RIMKLA: variants seen among roughly 807,000 people sequenced by gnomAD.
RIMKLA encodes N-acetylaspartylglutamate synthase A.
Under a neutral mutation model 32.7 loss-of-function variants are expected in RIMKLA, and 14 were observed. The observed-to-expected ratio is 0.43, with a 90% CI of 0.28 to 0.67. RIMKLA has a LOEUF of 0.67. Ranked by LOEUF, RIMKLA falls within the 30% of genes least tolerant of loss-of-function variation. The pLI, the probability that RIMKLA is intolerant of heterozygous loss-of-function variation, is 0.18. For missense variants in RIMKLA, 410 were observed against 519.0 expected (o/e 0.79, Z 2.04); for synonymous variants, 176 against 204.1 (o/e 0.86, Z 1.18).
At chr1:42,396,170 A>G (rs1643044156) in intron 1 of RIMKLA, among the ~76,000 whole-genome samples, 1 of 126,100 alleles carries the variant, frequency 7.9e-6, no homozygotes, top group African/African-American at 3.0e-5. Flanking sequence ...TGAGAGGTGG[A>G]GGTTACAGTG....
At chr1:42,403,870 C>T (rs1056114594) in intron 2 of RIMKLA, among the ~76,000 whole-genome samples, 11 of 152,200 alleles carry the variant, frequency 7.2e-5, no homozygotes, top group East Asian at 1.9e-4. Flanking sequence ...TGATTGTTGA[C>T]GTTCAGTTTC....
chr1:42,385,802 TCTC>T (rs1181455668), intron 1 of RIMKLA, among the ~76,000 whole-genome samples: 3 of 101,582 alleles, frequency 3.0e-5, no homozygotes, highest in South Asian at 2.9e-4. Flanking sequence ...TTTCTTTCTC[TCTC>T]TCTTTCCTTC....
At chr1:42,393,207 C>T (rs537217985) in intron 1 of RIMKLA, among the ~76,000 whole-genome samples, 4 of 91,040 alleles carry the variant, frequency 4.4e-5, no homozygotes, top group Non-Finnish European at 9.5e-5. Context: ...ACTACTTGCA[C>T]TTAAATCCTG....
intron 2 of RIMKLA, among the ~76,000 whole-genome samples, chr1:42,402,917 A>G (rs978305509): frequency 3.9e-5 from 6 of 152,066 alleles, no homozygotes; most frequent in Admixed American, 3.9e-4. Flanking sequence ...TTTTTAGCCC[A>G]GTGAGACCTG....
At chr1:42,384,528 TATAC>T (rs1642918149) in intron 1 of RIMKLA, among the ~76,000 whole-genome samples, 1 of 148,146 alleles carries the variant, frequency 6.8e-6, no homozygotes, top group African/African-American at 2.5e-5. Flanking sequence ...TGTGTGTATA[TATAC>T]ATATATATGT....
At chr1:42,409,931 A>G (rs1161418826) in intron 3 of RIMKLA, 53 bp from the exon 4 acceptor site, 2 of 1,426,278 alleles carry the variant, frequency 1.4e-6, no homozygotes, top group Non-Finnish European at 2.0e-6. Flanking sequence ...GATGGCAAGT[A>G]CAGAGTCCAG....
chr1:42,382,920 G>A (rs985549465), intron 1 of RIMKLA, among the ~76,000 whole-genome samples: 6 of 151,806 alleles, frequency 4.0e-5, no homozygotes, highest in African/African-American at 1.2e-4. Context: ...ATGCAATGGC[G>A]CCATCTTGGC....
chr1:42,384,756 CAA>C (rs1475393557), intron 1 of RIMKLA, among the ~76,000 whole-genome samples: 1 of 151,764 alleles, frequency 6.6e-6, no homozygotes, highest in Non-Finnish European at 1.5e-5. Context: ...GAGTTAGGAC[CAA>C]TACTCAGTAA....
chr1:42,412,515 T>C lies in RIMKLA; in HGVS notation c.686-1969T>C, dbSNP rs556176428. The stretch of plus-strand genomic sequence containing the variant: ...GTACAGTGAAACCAAACTGATGGAA[T>C]GGGAGCAGATTATTCTGCCATTTTT... On this transcript the variant is annotated intron_variant, in intron 4 of 4. Coordinates refer to ENST00000431473, the MANE Select transcript of RIMKLA (RefSeq NM_173642.4). 5.9e-5 allele frequency: 26 copies of C among 437,670 alleles called. No individual in the cohort carries two copies. The East Asian group carries it at 1.7e-3, about 28-fold the overall frequency. 27.1% of individuals were successfully genotyped at this position (437,670 alleles called of 1,614,324 possible).
In RIMKLA at chr1:42,417,481, G is replaced by T. The variant is rs763597979; in HGVS notation, c.*2507G>T. ...AGCCAGAGCCTGGTTCTGGTTCTCCGCTTGAACAGCTGACCTCGTGCAATC... is the reference window on the plus strand; with the variant it reads ...AGCCAGAGCCTGGTTCTGGTTCTCCTCTTGAACAGCTGACCTCGTGCAATC... On this transcript the variant is annotated 3_prime_UTR_variant, in exon 5 of 5. Transcript: ENST00000431473. The T allele has an allele frequency of 6.6e-6, 1 of 152,138 alleles. No homozygotes were observed. The highest frequency in any genetic ancestry group is 6.5e-5 in the Admixed American group (1 of 15,272). 9.4% of individuals were successfully genotyped at this position (152,138 alleles called of 1,614,324 possible).
rs1643263855 is a variant in RIMKLA at position 42,417,941 on chromosome 1, A to G, written c.*2967A>G. ...ACAGAGCGAGACTCCGTCTCAAAAA[A>G]AAAAAAAAAAAGCCACACATTCTTG... is the stretch of plus-strand genomic sequence containing the variant. On this transcript the variant is annotated 3_prime_UTR_variant, in exon 5 of 5. Transcript: ENST00000431473. 6.6e-6 allele frequency: 1 copy of G among 152,160 alleles called. No homozygotes were observed. Among genetic ancestry groups the G allele is most frequent in the African/African-American group, 2.4e-5 (1 of 41,356 alleles). The allele number at this position is 152,160 out of a possible 1,614,324, so 9.4% of individuals were successfully genotyped here. A position where few individuals can be genotyped will look rare whatever the true frequency, so the allele number is the denominator to read the frequency against.
chr1:42,388,668 G>A (rs374091357), intron 1 of RIMKLA, among the ~76,000 whole-genome samples: 115 of 152,172 alleles, frequency 7.6e-4, no homozygotes, highest in African/African-American at 2.6e-3. Flanking sequence ...ACAGGCACAT[G>A]CCACCGTACT....
chr1:42,385,582 G>T (rs1642928791), intron 1 of RIMKLA, among the ~76,000 whole-genome samples: 1 of 152,080 alleles, frequency 6.6e-6, no homozygotes, highest in Non-Finnish European at 1.5e-5. Flanking sequence ...GAGTGGGGTG[G>T]ATGTTTAGTT....
intron 1 of RIMKLA, among the ~76,000 whole-genome samples, chr1:42,390,412 G>T (rs2148385492): frequency 6.6e-6 from 1 of 152,318 alleles, no homozygotes; most frequent in Non-Finnish European, 1.5e-5. Flanking sequence ...TACAGCGGGA[G>T]AAATTGGTGA....
rs538247058 is a variant in RIMKLA at position 42,384,762 on chromosome 1, T to C, written c.163+3665T>C. On this transcript the variant is annotated intron_variant, in intron 1 of 4. Coordinates refer to ENST00000431473, the MANE Select transcript of RIMKLA (RefSeq NM_173642.4). ...ACTGGCTGAGAGTTAGGACCAATAC[T>C]CAGTAATTCTGGTCTAAACACTTTG... Among the ~76,000 whole-genome samples, 9 of 152,042 alleles carry C rather than the reference T, an allele frequency of 5.9e-5. No homozygotes were observed. In the South Asian group the frequency reaches 1.9e-3, roughly 32 times the overall value.
chr1:42,384,642 A>G (rs1327087181), intron 1 of RIMKLA, among the ~76,000 whole-genome samples: 1 of 150,308 alleles, frequency 6.7e-6, no homozygotes, highest in Non-Finnish European at 1.5e-5. Context: ...GTGTATATAT[A>G]TATATATAGT....
chr1:42,407,511 G>C (rs1159634767), intron 3 of RIMKLA, among the ~76,000 whole-genome samples: 1 of 152,098 alleles, frequency 6.6e-6, no homozygotes, highest in East Asian at 1.9e-4. Flanking sequence ...TATGGTATGA[G>C]GTAGGGGTTC....
intron 4 of RIMKLA, among the ~76,000 whole-genome samples, chr1:42,413,374 G>A (rs192941183): frequency 8.4e-4 from 126 of 150,622 alleles, no homozygotes; most frequent in Middle Eastern, 7.0e-3. Context: ...AGTGGCGGGC[G>A]CCTGTAGTCC....
chr1:42,386,440 C>T (rs1387955266), intron 1 of RIMKLA, among the ~76,000 whole-genome samples: 1 of 151,992 alleles, frequency 6.6e-6, no homozygotes, highest in Non-Finnish European at 1.5e-5. Flanking sequence ...CAGCCGCTTC[C>T]CTGGCCACTT....
Sources: gnomAD v4.1 joint callset for allele counts (sites outside exome capture counted in the v4.1 genomes callset) on GRCh38, gnomAD v4.1.1 for gene constraint, MANE v1.5 for transcripts, NCBI Gene and HGNC (gene_info 2026-07-23, HGNC 2026-07-21) for gene names.